The following DOCK7 variants were observed in gnomAD, a reference collection of about 807,000 sequenced individuals.
The protein encoded by DOCK7 is dedicator of cytokinesis 7.
A neutral mutation model predicts 271.0 loss-of-function variants in DOCK7; 138 were observed. That is an observed-to-expected ratio of 0.51 (90% confidence interval 0.44 to 0.59). The LOEUF (loss-of-function observed/expected upper bound fraction) is 0.59. DOCK7 is among the 20% of genes least tolerant of loss of function. The pLI is 0.00. For missense variants in DOCK7, 2,066 were observed against 2,592.4 expected (o/e 0.80, Z 4.41); for synonymous variants, 823 against 876.1 (o/e 0.94, Z 1.07).
chr1:62,483,049 A>G (rs1451440076), intron 43 of DOCK7: 3 of 152,008 alleles, frequency 2.0e-5, no homozygotes, highest in Non-Finnish European at 2.9e-5. Context: ...TTACTATGTC[A>G]CCCAGGCTAG....
chr1:62,668,026 A>G (rs1191329051), intron 1 of DOCK7, among the ~76,000 whole-genome samples: 3 of 152,122 alleles, frequency 2.0e-5, no homozygotes, highest in Non-Finnish European at 2.9e-5. Context: ...TCTCAAAAAA[A>G]CAAAATAAAA....
chr1:62,629,276 C>T (rs535234959), intron 11 of DOCK7: 3 of 152,084 alleles, frequency 2.0e-5, no homozygotes, highest in East Asian at 1.9e-4. Flanking sequence ...AATGTCCACA[C>T]GAAAGCTTGT....
intron 48 of DOCK7, among the ~76,000 whole-genome samples, chr1:62,469,134 C>T (rs1311431250): frequency 6.6e-6 from 1 of 152,122 alleles, no homozygotes; most frequent in Non-Finnish European, 1.5e-5. Context: ...GCAAAAAGAA[C>T]AAATCTGGAG....
chr1:62,479,474 TTGAA>T (rs1318789241), intron 43 of DOCK7, among the ~76,000 whole-genome samples: 1 of 152,096 alleles, frequency 6.6e-6, no homozygotes, highest in African/African-American at 2.4e-5. Flanking sequence ...TCTATATAGA[TTGAA>T]TGATTCAACT....
chr1:62,489,811 C>A (rs1646406507), intron 41 of DOCK7, among the ~76,000 whole-genome samples: 1 of 152,034 alleles, frequency 6.6e-6, no homozygotes, highest in South Asian at 2.1e-4. Flanking sequence ...TCACAGATAC[C>A]CAATTCTCCT....
At chr1:62,640,713 G>A (rs1033594860) in intron 7 of DOCK7, among the ~76,000 whole-genome samples, 4 of 152,090 alleles carry the variant, frequency 2.6e-5, no homozygotes, top group Admixed American at 6.6e-5. Context: ...TCCCCCATGC[G>A]TTGTTTCACA....
chr1:62,464,148 C>T (rs1270906982), intron 48 of DOCK7, among the ~76,000 whole-genome samples: 2 of 151,988 alleles, frequency 1.3e-5, no homozygotes, highest in East Asian at 2.0e-4. Flanking sequence ...CAACGTTTGC[C>T]TCCTGGGTCC....
chr1:62,477,815 C>T lies in DOCK7; in HGVS notation c.5519G>A (p.Gly1840Asp). The T allele has an allele frequency of 1.2e-6, 2 of 1,606,778 alleles. No individual in the cohort carries two copies. The highest frequency in any genetic ancestry group is 1.7e-6 in the Non-Finnish European group (2 of 1,177,578). ...HQSTGWERMF[G>D]TYFRVGFYGT... ...ATAAAAACCAACACGAAAATAGGTG[C>T]CAAACATCCGCTTACCATCCTAGGT... The change falls in exon 44 of 50, where the codon GGC (glycine) becomes GAC (aspartate). Residue 1840 changes from glycine (G) to aspartate (D), a missense_variant. Gly to Asp is a moderately conservative substitution (Grantham distance 94, BLOSUM62 -1). This residue lies in a region of DOCK7 where 652 missense variants were observed against 922.1 expected (regional missense o/e 0.71). Transcript: ENST00000635253.
chr1:62,614,470 T>C (rs929834924), intron 14 of DOCK7, among the ~76,000 whole-genome samples: 3 of 151,976 alleles, frequency 2.0e-5, no homozygotes, highest in Admixed American at 1.3e-4. Flanking sequence ...GGTCTAATAA[T>C]ACAAAGCAGG....
chr1:62,617,196 G>A (rs1014849688), intron 14 of DOCK7, among the ~76,000 whole-genome samples: 3 of 151,658 alleles, frequency 2.0e-5, no homozygotes, highest in Non-Finnish European at 3.0e-5. Flanking sequence ...AACTTCCTCT[G>A]CAAGGGAGGA....
In DOCK7 at chr1:62,504,795, A is replaced by G. The variant is rs1646891583; in HGVS notation, c.4612-13T>C. The G allele has an allele frequency of 6.2e-7, 1 of 1,607,858 alleles. No homozygotes were observed. Among genetic ancestry groups the G allele is most frequent in the African/African-American group, 1.3e-5 (1 of 74,620 alleles). On this transcript the variant is annotated splice_polypyrimidine_tract_variant and intron_variant, in intron 36 of 49. Coordinates refer to ENST00000635253, the MANE Select transcript of DOCK7 (RefSeq NM_001367561.1). ...AGAGTTCAGGAAACTGTAAAACAAC[A>G]AAACAAACCACCACTGAATTTTTAC...
Position 62,537,015 on chromosome 1 carries a change from G to C in DOCK7, c.3471+876C>G, listed in dbSNP as rs142199762. Among the ~76,000 whole-genome samples, 371 of 152,252 alleles carry C rather than the reference G, an allele frequency of 2.4e-3. 3 individuals carry two copies. The highest frequency in any genetic ancestry group is 0.023 in the Admixed American group (347 of 15,296). ...CTGAAAAACCCATCAATTTTCATCTGGTTTCCTTTGGGGTTTCTGGATACA... is the reference window on the plus strand; with the variant it reads ...CTGAAAAACCCATCAATTTTCATCTCGTTTCCTTTGGGGTTTCTGGATACA... On this transcript the variant is annotated intron_variant, in intron 28 of 49. Coordinates refer to ENST00000635253, the MANE Select transcript of DOCK7 (RefSeq NM_001367561.1).
intron 14 of DOCK7, 92 bp from the exon 15 acceptor site, chr1:62,586,716 C>T: frequency 4.5e-6 from 3 of 669,308 alleles, no homozygotes; most frequent in Non-Finnish European, 7.3e-6. Context: ...TGACCAAATA[C>T]TGAATTACTG....
rs1646926810 is a variant in DOCK7, at chr1:62,506,045, G to T, written c.4477-229C>A. ...AATATAATTTAAATGAGAAAAAACA[G>T]GAGTAAGATACAATGGCAAGAAATC... On this transcript the variant is annotated intron_variant, in intron 35 of 49. Transcript: ENST00000635253. 2.0e-5 allele frequency among the ~76,000 whole-genome samples: 3 copies of T among 152,096 alleles called. No individual in the cohort carries two copies. In the South Asian group the frequency reaches 6.2e-4, roughly 32 times the overall value.
At chr1:62,565,608 T>C (rs1483929617) in intron 18 of DOCK7, among the ~76,000 whole-genome samples, 1 of 152,194 alleles carries the variant, frequency 6.6e-6, no homozygotes, top group Non-Finnish European at 1.5e-5. Context: ...AATACCATAC[T>C]GAATAGGCGA....
At chr1:62,510,552 A>G (rs748914997) in intron 34 of DOCK7, 25 bp downstream of exon 34, 1 of 1,575,182 alleles carries the variant, frequency 6.3e-7, no homozygotes. Context: ...ACCCATCAGT[A>G]ACATAAAATA....
intron 14 of DOCK7, chr1:62,601,224 T>C: frequency 7.0e-7 from 1 of 1,420,584 alleles, no homozygotes. Context: ...GTTTCCTTCT[T>C]GAAGCTATTA....
intron 22 of DOCK7, among the ~76,000 whole-genome samples, chr1:62,550,494 T>C (rs900731793): frequency 3.3e-5 from 5 of 152,086 alleles, no homozygotes; most frequent in African/African-American, 1.2e-4. Context: ...AATCATTTCC[T>C]GGGAGAACAG....
At chr1:62,494,233 A>G in intron 40 of DOCK7, 42 bp downstream of exon 40, 1 of 1,486,954 alleles carries the variant, frequency 6.7e-7, no homozygotes, top group African/African-American at 1.4e-5. Flanking sequence ...AAAACCAAAA[A>G]AAGATATACC....
Sources: gnomAD v4.1 joint callset for allele counts (sites outside exome capture counted in the v4.1 genomes callset) on GRCh38, gnomAD v4.1.1 for gene constraint, gnomAD v4.1.1 regional missense constraint, MANE v1.5 for transcripts, NCBI Gene and HGNC (gene_info 2026-07-23, HGNC 2026-07-21) for gene names.